Variants in APBB2 observed in about 807,000 individuals in gnomAD.
The protein encoded by APBB2 is amyloid beta precursor protein binding family B member 2.
A neutral mutation model predicts 82.5 loss-of-function variants in APBB2; 38 were observed. The observed-to-expected ratio is 0.46, with a 90% CI of 0.36 to 0.60. The LOEUF is 0.60. APBB2 is among the 20% of genes least tolerant of loss of function. APBB2 has a pLI of 0.00. For synonymous variants in APBB2, 341 were observed against 368.2 expected, an observed-to-expected ratio of 0.93 and a Z score of 0.85; for missense variants, 772 against 972.3, an observed-to-expected ratio of 0.79 and a Z score of 2.74.
At chr4:40,953,961 C>T (rs898124391) in intron 6 of APBB2, among the ~76,000 whole-genome samples, 4 of 152,214 alleles carry the variant, frequency 2.6e-5, no homozygotes, top group Non-Finnish European at 5.9e-5. Context: ...CTCTCTTGTG[C>T]TGGGAGCCTC....
intron 2 of APBB2, among the ~76,000 whole-genome samples, chr4:41,101,420 CGCCA>C (rs1353075772): frequency 1.2e-4 from 15 of 124,006 alleles, no homozygotes; most frequent in Admixed American, 2.9e-4. Context: ...GCCGAGATTG[CGCCA>C]CTGCAGTCCG....
chr4:41,158,186 A>G (rs141877781), intron 1 of APBB2, among the ~76,000 whole-genome samples: 1 of 152,310 alleles, frequency 6.6e-6, no homozygotes, highest in East Asian at 1.9e-4. Context: ...CATGCAGGAT[A>G]GGCATAATGA....
intron 12 of APBB2, among the ~76,000 whole-genome samples, chr4:40,845,588 CAAAAAAAA>C (rs71198606): frequency 2.7e-4 from 15 of 56,476 alleles, no homozygotes; most frequent in Non-Finnish European, 3.6e-4. Flanking sequence ...GGAAATTCCT[CAAAAAAAA>C]AAAAAAAAAA....
At chr4:40,878,516 G>A (rs915198183) in intron 12 of APBB2, among the ~76,000 whole-genome samples, 2 of 152,082 alleles carry the variant, frequency 1.3e-5, no homozygotes, top group African/African-American at 4.8e-5. Flanking sequence ...CATCCACTGT[G>A]TCCCTGCCAT....
chr4:40,983,518 G>C (rs1216135922), intron 6 of APBB2, among the ~76,000 whole-genome samples: 1 of 151,972 alleles, frequency 6.6e-6, no homozygotes, highest in African/African-American at 2.4e-5. Flanking sequence ...AACAGCTAAA[G>C]CTGACTTAGT....
chr4:40,988,024 G>A (rs553115691), intron 6 of APBB2, among the ~76,000 whole-genome samples: 22 of 152,202 alleles, frequency 1.4e-4, no homozygotes, highest in African/African-American at 4.3e-4. Context: ...TGAAATATAC[G>A]AATAATTACA....
chr4:40,917,692 T>G (rs1048785533), intron 10 of APBB2, among the ~76,000 whole-genome samples: 2 of 152,180 alleles, frequency 1.3e-5, no homozygotes, highest in African/African-American at 2.4e-5. Context: ...CTTAAAGTAT[T>G]TGAATGAGTT....
intron 1 of APBB2, chr4:41,194,264 A>G: frequency 6.6e-6 from 1 of 152,340 alleles, no homozygotes; most frequent in African/African-American, 2.4e-5. Flanking sequence ...CAAGGCTGCA[A>G]TGAGCCATGA....
intron 17 of APBB2, among the ~76,000 whole-genome samples, chr4:40,819,169 T>G (rs1289514454): frequency 7.1e-6 from 1 of 141,778 alleles, no homozygotes; most frequent in African/African-American, 2.7e-5. Context: ...TCCCTCCCCT[T>G]GGCTCTCTTT....
At chr4:41,005,085 T>C (rs1806331846) in intron 6 of APBB2, among the ~76,000 whole-genome samples, 2 of 152,158 alleles carry the variant, frequency 1.3e-5, no homozygotes, top group Non-Finnish European at 2.9e-5. Flanking sequence ...TTATTATTTA[T>C]TAACTTAAGG....
chr4:40,875,932 T>A (rs547301496), intron 12 of APBB2, among the ~76,000 whole-genome samples: 1 of 152,372 alleles, frequency 6.6e-6, no homozygotes, highest in South Asian at 2.1e-4. Flanking sequence ...ATCTGTGTTA[T>A]GCCTTTGGTT....
intron 6 of APBB2, among the ~76,000 whole-genome samples, chr4:40,988,496 G>A (rs111630904): frequency 1.3e-5 from 2 of 151,614 alleles, no homozygotes; most frequent in East Asian, 4.0e-4. Context: ...AAATTAGCCA[G>A]GCATGGTGGT....
chr4:40,819,719 C>G (rs1009023706), intron 17 of APBB2, among the ~76,000 whole-genome samples: 18 of 152,214 alleles, frequency 1.2e-4, no homozygotes, highest in Non-Finnish European at 1.2e-4. Context: ...CAAGCTCCCC[C>G]TCACTGGCAA....
At chr4:40,891,163 A>G (rs1252340508) in intron 11 of APBB2, among the ~76,000 whole-genome samples, 1 of 152,206 alleles carries the variant, frequency 6.6e-6, no homozygotes, top group Non-Finnish European at 1.5e-5. Flanking sequence ...TAACTTGCTC[A>G]GGGTCTGACA....
chr4:40,933,123 A>G (rs1784612486), intron 10 of APBB2, among the ~76,000 whole-genome samples: 1 of 152,212 alleles, frequency 6.6e-6, no homozygotes, highest in Admixed American at 6.5e-5. Flanking sequence ...CTCGGCCTCC[A>G]AAAGTGCTGG....
chr4:40,828,765 G>A (rs904417830), intron 13 of APBB2, among the ~76,000 whole-genome samples: 8 of 152,342 alleles, frequency 5.3e-5, no homozygotes, highest in Admixed American at 3.3e-4. Context: ...GAACATGGGC[G>A]GGAATAAACG....
intron 1 of APBB2, among the ~76,000 whole-genome samples, chr4:41,163,875 C>CTTTGTAT (rs1765810653): frequency 6.6e-6 from 1 of 152,048 alleles, no homozygotes; most frequent in Non-Finnish European, 1.5e-5. Context: ...ACTCCAAAAC[C>CTTTGTAT]TCAAATAACA....
At chr4:41,061,581 T>A (rs978443071) in intron 4 of APBB2, among the ~76,000 whole-genome samples, 1 of 152,260 alleles carries the variant, frequency 6.6e-6, no homozygotes, top group Non-Finnish European at 1.5e-5. Context: ...TATAATCTTA[T>A]GGGACTACTG....
In APBB2 at chr4:40,876,305, A is replaced by G. The variant is rs1444329411; in HGVS notation, c.1529+14059T>C. Reference sequence around the variant, plus strand: ...CTGTGAAACTATTACCACCATCAACATAATGAGTATATCTGTAACTCTCAA... The same window carrying G: ...CTGTGAAACTATTACCACCATCAACGTAATGAGTATATCTGTAACTCTCAA... On this transcript the variant is annotated intron_variant, in intron 12 of 17. Coordinates refer to ENST00000508593, the MANE Select transcript of APBB2 (RefSeq NM_004307.2). Among the ~76,000 whole-genome samples the G allele has an allele frequency of 2.0e-5, 3 of 152,252 alleles. No individual in the cohort carries two copies. In the East Asian group the frequency reaches 5.8e-4, roughly 29 times the overall value.
Sources: gnomAD v4.1 joint callset for allele counts (sites outside exome capture counted in the v4.1 genomes callset) on GRCh38, gnomAD v4.1.1 for gene constraint, MANE v1.5 for transcripts, NCBI Gene and HGNC (gene_info 2026-07-23, HGNC 2026-07-21) for gene names.